MTARC2: variants seen among roughly 807,000 people sequenced by gnomAD.
MTARC2 encodes the protein mitochondrial amidoxime reducing component 2.
Under a neutral mutation model 35.6 loss-of-function variants are expected in MTARC2, and 27 were observed. The ratio of observed to expected loss-of-function variants is 0.76; its 90% CI spans 0.56 to 1.04. The LOEUF is 1.04. MTARC2 is among the 50% of genes least tolerant of loss of function. MTARC2 has a pLI of 0.00. For missense variants in MTARC2, 412 were observed against 432.5 expected (o/e 0.95, Z 0.42); for synonymous variants, 158 against 167.1 (o/e 0.95, Z 0.42).
In MTARC2 at chr1:220,784,710, G is replaced by A. The variant is rs952578521; in HGVS notation, c.*823G>A. 1 of 152,154 alleles carries A rather than the reference G, an allele frequency of 6.6e-6. No individual in the cohort carries two copies. The highest frequency in any genetic ancestry group is 2.4e-5 in the African/African-American group (1 of 41,444). 9.4% of individuals were successfully genotyped at this position (152,154 alleles called of 1,614,324 possible). A position where few individuals can be genotyped will look rare whatever the true frequency, so the allele number is the denominator to read the frequency against. On this transcript the variant is annotated 3_prime_UTR_variant, in exon 8 of 8. Coordinates refer to ENST00000366913, the MANE Select transcript of MTARC2 (RefSeq NM_017898.5). ...ACAAAGAAACGAACAACTTTGGTAT[G>A]ATCTTAAGCAAAAATACTCACTGAA...
chr1:220,771,642 G>C (rs1355190007), intron 4 of MTARC2, among the ~76,000 whole-genome samples: 1 of 151,916 alleles, frequency 6.6e-6, no homozygotes, highest in Non-Finnish European at 1.5e-5. Flanking sequence ...GATTATAAAG[G>C]ATATTTTAAA....
At chr1:220,762,842 T>C (rs576501435) in intron 3 of MTARC2, 68 bp from the exon 4 acceptor site, 1 of 1,567,762 alleles carries the variant, frequency 6.4e-7, no homozygotes, top group South Asian at 1.1e-5. Context: ...GGACATTACT[T>C]AGCTTTGTAG....
chr1:220,757,173 A>G (rs1211870958), intron 2 of MTARC2, among the ~76,000 whole-genome samples: 1 of 152,242 alleles, frequency 6.6e-6, no homozygotes. Flanking sequence ...GACTTCTGGG[A>G]TTGCAGGCAT....
At chr1:220,751,779 A>T (rs1341388674) in intron 1 of MTARC2, among the ~76,000 whole-genome samples, 2 of 152,184 alleles carry the variant, frequency 1.3e-5, no homozygotes, top group African/African-American at 4.8e-5. Context: ...TTTACCTGTG[A>T]ATTCAAGGTG....
At chr1:220,755,500 A>T (rs72472376) in intron 2 of MTARC2, among the ~76,000 whole-genome samples, 2,490 of 152,216 alleles carry the variant, frequency 0.016, 81 homozygotes, top group African/African-American at 0.056. Context: ...AAGGGCTTTT[A>T]TTGTGGTTTC....
In MTARC2 at chr1:220,748,445, G is replaced by T; in HGVS notation, c.-87G>T. 1 of 1,287,828 alleles carries T rather than the reference G, an allele frequency of 7.8e-7. No individual in the cohort carries two copies. Among genetic ancestry groups the T allele is most frequent in the Non-Finnish European group, 9.9e-7 (1 of 1,013,568 alleles). The allele number at this position is 1,287,828 out of a possible 1,614,324, so 79.8% of individuals were successfully genotyped here. A position where few individuals can be genotyped will look rare whatever the true frequency, so the allele number is the denominator to read the frequency against. ...GGGTCAACTTTGACTCCTCTCGCCT[G>T]CCCGGATCCTTAAGGGCCTCCTCGT... On this transcript the variant is annotated 5_prime_UTR_variant, in exon 1 of 8. Transcript: ENST00000366913.
At position 220,761,857 on chromosome 1, in the gene MTARC2, T is replaced by C. The variant is rs749400664; in HGVS notation, c.609+37T>C. The C allele has an allele frequency of 4.5e-6, 7 of 1,550,018 alleles. No homozygotes were observed. In the South Asian group the frequency reaches 8.8e-5, roughly 20 times the overall value. On this transcript the variant is annotated intron_variant, in intron 3 of 7. Coordinates refer to ENST00000366913, the MANE Select transcript of MTARC2 (RefSeq NM_017898.5). ...GAGAGTTTACCTTCACTGCTACTAG[T>C]CACCCTTCTCTTTCTGGCTTCCTTC...
intron 4 of MTARC2, among the ~76,000 whole-genome samples, chr1:220,771,159 C>T (rs765160859): frequency 7.2e-5 from 11 of 152,074 alleles, no homozygotes; most frequent in Non-Finnish European, 1.6e-4. Flanking sequence ...ATTAGCTAGG[C>T]ATGGTGGTGG....
At chr1:220,772,136 G>A (rs1176236172) in intron 4 of MTARC2, among the ~76,000 whole-genome samples, 5 of 152,150 alleles carry the variant, frequency 3.3e-5, no homozygotes, top group Non-Finnish European at 5.9e-5. Flanking sequence ...GCAATAACTT[G>A]TTTAGCCATT....
chr1:220,750,249 C>T (rs1219244607), intron 1 of MTARC2, among the ~76,000 whole-genome samples: 1 of 152,200 alleles, frequency 6.6e-6, no homozygotes, highest in African/African-American at 2.4e-5. Context: ...GGAAAGACTT[C>T]AGGCTGTGTG....
chr1:220,766,479 A>G (rs17008587), intron 4 of MTARC2, among the ~76,000 whole-genome samples: 20,098 of 152,224 alleles, frequency 0.13, 1,766 homozygotes, highest in East Asian at 0.25. Context: ...AATGGAAATT[A>G]GTTCATGGAG....
At position 220,781,925 on chromosome 1, in the gene MTARC2, G is replaced by T. The variant is rs563827165; in HGVS notation, c.*24G>T. 1.2e-5 allele frequency: 19 copies of T among 1,611,880 alleles called. No individual in the cohort carries two copies. The South Asian group carries it at 2.1e-4, about 18-fold the overall frequency. ...AGTGATGAGTGATGGATCCACTAGGGTGATATGGTAAAGGGTCAGCTTTGC... is the reference window on the plus strand; with the variant it reads ...AGTGATGAGTGATGGATCCACTAGGTTGATATGGTAAAGGGTCAGCTTTGC... On this transcript the variant is annotated 3_prime_UTR_variant, in exon 7 of 8. Coordinates refer to ENST00000366913, the MANE Select transcript of MTARC2 (RefSeq NM_017898.5).
At chr1:220,782,005 T>G in intron 7 of MTARC2, 73 bp downstream of exon 7, 1 of 1,259,508 alleles carries the variant, frequency 7.9e-7, no homozygotes, top group South Asian at 1.6e-5. Context: ...TAATTTTTTT[T>G]ATGTTATGCT....
At chr1:220,770,134 AAAC>A (rs1448378709) in intron 4 of MTARC2, among the ~76,000 whole-genome samples, 4 of 151,920 alleles carry the variant, frequency 2.6e-5, no homozygotes, top group Non-Finnish European at 4.4e-5. Flanking sequence ...ACCAAAAACA[AAAC>A]AAACAAAAAC....
At chr1:220,766,345 C>T (rs193150768) in intron 4 of MTARC2, among the ~76,000 whole-genome samples, 1 of 152,258 alleles carries the variant, frequency 6.6e-6, no homozygotes, top group East Asian at 1.9e-4. Context: ...GTAAACCCAC[C>T]TCCCCCTCCC....
chr1:220,780,127 G>T (rs1387174974), intron 5 of MTARC2, 41 bp from the exon 6 acceptor site: 1 of 1,607,238 alleles, frequency 6.2e-7, no homozygotes, highest in African/African-American at 1.3e-5. Context: ...CCCATTCATT[G>T]GTTCCTAAGC....
intron 4 of MTARC2, among the ~76,000 whole-genome samples, chr1:220,769,980 G>A (rs1671696875): frequency 1.3e-5 from 2 of 148,188 alleles, no homozygotes; most frequent in South Asian, 2.1e-4. Flanking sequence ...GATGGCGGGC[G>A]ACTGTAGCCC....
chr1:220,764,490 T>A (rs1671528018), intron 4 of MTARC2, among the ~76,000 whole-genome samples: 1 of 152,114 alleles, frequency 6.6e-6, no homozygotes, highest in Non-Finnish European at 1.5e-5. Context: ...ATCTGATAAT[T>A]TGAAAAATAG....
At chr1:220,758,854 G>GGT (rs906666688) in intron 2 of MTARC2, among the ~76,000 whole-genome samples, 92 of 150,658 alleles carry the variant, frequency 6.1e-4, no homozygotes, top group East Asian at 2.9e-3. Flanking sequence ...TGTGTGTCTG[G>GGT]GTGTGTGTGT....
Sources: allele counts gnomAD v4.1 joint callset (sites outside exome capture counted in the v4.1 genomes callset), GRCh38; gene constraint gnomAD v4.1.1; transcripts MANE v1.5; gene names NCBI Gene and HGNC (gene_info 2026-07-23, HGNC 2026-07-21).